Variants in MAP4K4 observed in about 807,000 individuals in gnomAD.
MAP4K4 encodes HPK/GCK-like kinase HGK.
A neutral mutation model predicts 189.6 loss-of-function variants in MAP4K4; 38 were observed. The ratio of observed to expected loss-of-function variants is 0.20; its 90% CI spans 0.15 to 0.26. The LOEUF (loss-of-function observed/expected upper bound fraction) is 0.26, where lower values mean the gene tolerates loss of function less well. MAP4K4 is among the 10% of genes least tolerant of loss of function. MAP4K4 has a pLI of 1.00. For synonymous variants in MAP4K4, 610 were observed against 624.3 expected (o/e 0.98, Z 0.34); for missense variants, 1,054 against 1,726.9 (o/e 0.61, Z 6.91).
intron 16 of MAP4K4, chr2:101,861,204 A>G (rs1329616744): frequency 5.0e-6 from 2 of 397,270 alleles, no homozygotes; most frequent in Non-Finnish European, 8.8e-6. Context: ...AAGAGTATCT[A>G]GAGTGAGTGA....
At chr2:101,811,370 CAA>C (rs71378177) in intron 3 of MAP4K4, among the ~76,000 whole-genome samples, 125 of 68,904 alleles carry the variant, frequency 1.8e-3, no homozygotes, top group African/African-American at 6.6e-3. Flanking sequence ...GACTGCGTCT[CAA>C]AAAAAAAAAA....
intron 2 of MAP4K4, among the ~76,000 whole-genome samples, chr2:101,712,384 C>T (rs866153570): frequency 2.0e-5 from 3 of 151,786 alleles, no homozygotes; most frequent in African/African-American, 4.8e-5. Context: ...TTAGTAGAGA[C>T]GGGGTTTCAC....
intron 18 of MAP4K4, among the ~76,000 whole-genome samples, 165 bp downstream of exon 18, chr2:101,865,201 A>T (rs1434477189): frequency 2.0e-5 from 3 of 152,258 alleles, no homozygotes; most frequent in Admixed American, 6.5e-5. Context: ...GGATGGCATC[A>T]AGTTGATGTG....
At chr2:101,799,128 C>T (rs1324815758) in intron 3 of MAP4K4, among the ~76,000 whole-genome samples, 2 of 152,146 alleles carry the variant, frequency 1.3e-5, no homozygotes, top group Non-Finnish European at 2.9e-5. Context: ...GCCTCCTAGG[C>T]AGTTAACCTC....
intron 2 of MAP4K4, among the ~76,000 whole-genome samples, chr2:101,705,602 C>T (rs1057151441): frequency 6.6e-6 from 1 of 152,132 alleles, no homozygotes; most frequent in Non-Finnish European, 1.5e-5. Context: ...GACATTTTCC[C>T]ATGTCAAATT....
At chr2:101,743,324 A>G (rs1407140885) in intron 2 of MAP4K4, among the ~76,000 whole-genome samples, 6 of 152,172 alleles carry the variant, frequency 3.9e-5, no homozygotes, top group Non-Finnish European at 7.3e-5. Context: ...TTTCTAACAC[A>G]GTGAAAGTAA....
At chr2:101,887,103 G>C in exon 30 of MAP4K4, 1 of 1,587,584 alleles carries the variant, frequency 6.3e-7, no homozygotes, top group Non-Finnish European at 8.6e-7. Context: ...TGGAGAATTG[G>C]TACATAAGCC....
At chr2:101,875,370 T>C (rs1484755786) in intron 26 of MAP4K4, among the ~76,000 whole-genome samples, 1 of 152,170 alleles carries the variant, frequency 6.6e-6, no homozygotes, top group African/African-American at 2.4e-5. Flanking sequence ...ACAGCATTTT[T>C]TTTTTTTTAA....
At position 101,715,060 on chromosome 2, in the gene MAP4K4, G is replaced by A. The variant is rs906385075; in HGVS notation, c.123+16522G>A. Among the ~76,000 whole-genome samples, 7 of 152,150 alleles carry A rather than the reference G, an allele frequency of 4.6e-5. No individual in the cohort carries two copies. In the South Asian group the frequency reaches 1.0e-3, roughly 23 times the overall value. ...CTGCCATAACAAAAGGTCACAGGCT[G>A]GGGGCTTCAGTAATATAAGTCATTT... On this transcript the variant is annotated intron_variant, in intron 2 of 32. Transcript: ENST00000324219.
rs1431718655 is a variant in MAP4K4, at chr2:101,830,637, A to G, written c.508+1043A>G. 5.9e-5 allele frequency among the ~76,000 whole-genome samples: 9 copies of G among 152,260 alleles called. No homozygotes were observed. In the South Asian group the frequency reaches 1.7e-3, roughly 28 times the overall value. On this transcript the variant is annotated intron_variant, in intron 6 of 32. Transcript: ENST00000324219. ...GGTTTTCTATGGAGGAATCTGCCCA[A>G]TTGGAAACTCCCCTCAGAGCTAACA...
intron 2 of MAP4K4, among the ~76,000 whole-genome samples, chr2:101,709,198 G>A (rs1281106150): frequency 6.6e-6 from 1 of 151,890 alleles, no homozygotes; most frequent in Admixed American, 6.6e-5. Flanking sequence ...AGTCATTACT[G>A]TGAGTTTATT....
chr2:101,831,659 A>G, intron 6 of MAP4K4, 62 bp from the exon 7 acceptor site: 2 of 1,530,972 alleles, frequency 1.3e-6, no homozygotes, highest in Non-Finnish European at 1.8e-6. Context: ...GTTTTTTCCC[A>G]AGTATATCTG....
At chr2:101,869,048 TA>T in intron 21 of MAP4K4, among the ~76,000 whole-genome samples, 1 of 152,184 alleles carries the variant, frequency 6.6e-6, no homozygotes, top group African/African-American at 2.4e-5. Flanking sequence ...AATAAAATAT[TA>T]AACCTAAAAT....
chr2:101,857,963 C>G (rs1469788740), intron 13 of MAP4K4, among the ~76,000 whole-genome samples: 1 of 152,166 alleles, frequency 6.6e-6, no homozygotes, highest in African/African-American at 2.4e-5. Flanking sequence ...CGTAGTCCTT[C>G]TTAGTCTATT....
chr2:101,732,993 C>T (rs1027210031), intron 2 of MAP4K4, among the ~76,000 whole-genome samples: 3 of 152,210 alleles, frequency 2.0e-5, no homozygotes, highest in Non-Finnish European at 4.4e-5. Context: ...CCTGTCAGCC[C>T]GAGCCCTGTG....
intron 28 of MAP4K4, among the ~76,000 whole-genome samples, chr2:101,883,888 A>G (rs529303655): frequency 6.6e-5 from 10 of 152,302 alleles, no homozygotes; most frequent in Non-Finnish European, 5.9e-5. Flanking sequence ...AAGTAGAACT[A>G]TCTGCTTAGG....
intron 5 of MAP4K4, 66 bp from the exon 6 acceptor site, chr2:101,829,432 TAAAAGG>T: frequency 1.0e-6 from 1 of 999,906 alleles, no homozygotes; most frequent in African/African-American, 1.6e-5. Flanking sequence ...CACTTTCTTA[TAAAAGG>T]TGTGTTCCTG....
intron 2 of MAP4K4, among the ~76,000 whole-genome samples, chr2:101,780,605 T>C (rs1240734200): frequency 6.6e-6 from 1 of 152,258 alleles, no homozygotes; most frequent in Non-Finnish European, 1.5e-5. Flanking sequence ...TCATAGACTC[T>C]TGGGTTCCAG....
At chr2:101,745,337 C>G (rs996382043) in intron 2 of MAP4K4, among the ~76,000 whole-genome samples, 1 of 134,460 alleles carries the variant, frequency 7.4e-6, no homozygotes, top group Admixed American at 7.3e-5. Context: ...CACCCCCCCC[C>G]CCCCAATACT....
Sources: gnomAD v4.1 joint callset for allele counts (sites outside exome capture counted in the v4.1 genomes callset) on GRCh38, gnomAD v4.1.1 for gene constraint, MANE v1.5 for transcripts, NCBI Gene and HGNC (gene_info 2026-07-23, HGNC 2026-07-21) for gene names.